Variants in SP3 observed in about 807,000 individuals in gnomAD.
SP3 encodes transcription factor Sp3.
A neutral mutation model predicts 70.3 loss-of-function variants in SP3; 10 were observed. The ratio of observed to expected loss-of-function variants is 0.14; its 90% CI spans 0.09 to 0.24. The LOEUF (loss-of-function observed/expected upper bound fraction) is 0.24, where lower values mean the gene tolerates loss of function less well. SP3 is among the 10% of genes least tolerant of loss of function. The pLI is 1.00. For synonymous variants in SP3, 402 were observed against 333.5 expected (o/e 1.21, Z -2.24); for missense variants, 825 against 914.6 (o/e 0.90, Z 1.26).
intron 4 of SP3, among the ~76,000 whole-genome samples, chr2:173,944,027 C>T (rs904289489): frequency 6.6e-6 from 1 of 152,152 alleles, no homozygotes; most frequent in Non-Finnish European, 1.5e-5. Context: ...GAAAAGGAAT[C>T]GTAAAAGTCT....
chr2:173,924,693 A>G (rs183812752), intron 4 of SP3, among the ~76,000 whole-genome samples: 1 of 152,304 alleles, frequency 6.6e-6, no homozygotes, highest in East Asian at 1.9e-4. Flanking sequence ...TGTAAGATGA[A>G]AACTGTGCAA....
chr2:173,944,968 G>A (rs1690488498), intron 4 of SP3, among the ~76,000 whole-genome samples: 1 of 152,040 alleles, frequency 6.6e-6, no homozygotes, highest in African/African-American at 2.4e-5. Context: ...AACAAACACT[G>A]AGCAGCCATT....
chr2:173,954,731 CTTTCATACAAACATAT>C (rs1690822436), intron 4 of SP3, 126 bp downstream of exon 4: 7 of 783,460 alleles, frequency 8.9e-6, no homozygotes, highest in Non-Finnish European at 1.4e-5. Flanking sequence ...TTGATGTCTA[CTTTCATACAAACATAT>C]TTTCATACAA....
chr2:173,962,525 T>C (rs1691119528), intron 3 of SP3, among the ~76,000 whole-genome samples: 1 of 152,194 alleles, frequency 6.6e-6, no homozygotes, highest in African/African-American at 2.4e-5. Flanking sequence ...TAATATAATT[T>C]TACATTTTTA....
At chr2:173,953,684 C>T (rs1204027874) in intron 4 of SP3, among the ~76,000 whole-genome samples, 2 of 151,898 alleles carry the variant, frequency 1.3e-5, no homozygotes, top group African/African-American at 2.4e-5. Context: ...ACGAGAATTG[C>T]TTGAACCCAG....
chr2:173,941,585 T>C (rs754445792), intron 4 of SP3, among the ~76,000 whole-genome samples: 14 of 152,118 alleles, frequency 9.2e-5, no homozygotes, highest in Non-Finnish European at 1.3e-4. Context: ...TGGGTGATAG[T>C]TGAGACCCTG....
chr2:173,964,345 G>A (rs1263661980), intron 2 of SP3, 60 bp downstream of exon 2: 4 of 649,280 alleles, frequency 6.2e-6, no homozygotes, highest in East Asian at 6.1e-5. Context: ...GAGGGGAGAG[G>A]CGAGGGGAGG....
At chr2:173,934,590 A>C (rs574319874) in intron 4 of SP3, among the ~76,000 whole-genome samples, 3 of 152,282 alleles carry the variant, frequency 2.0e-5, no homozygotes, top group African/African-American at 7.2e-5. Flanking sequence ...GTAACAAAAA[A>C]GTCAATTGCC....
chr2:173,964,009 G>A (rs1691180771), intron 2 of SP3, 126 bp from the exon 3 acceptor site: 7 of 522,142 alleles, frequency 1.3e-5, no homozygotes, highest in Middle Eastern at 6.0e-4. Flanking sequence ...GCGCCAGCCC[G>A]CGCTCTCCTC....
At chr2:173,961,030 T>C (rs981923521) in intron 3 of SP3, among the ~76,000 whole-genome samples, 8 of 152,128 alleles carry the variant, frequency 5.3e-5, no homozygotes. Flanking sequence ...AAAGTAAAAA[T>C]GAAGTAAATT....
chr2:173,942,893 T>A (rs1690415340), intron 4 of SP3, among the ~76,000 whole-genome samples: 1 of 152,104 alleles, frequency 6.6e-6, no homozygotes, highest in African/African-American at 2.4e-5. Flanking sequence ...AATATAAAAT[T>A]TAAAATACAG....
intron 3 of SP3, 118 bp from the exon 4 acceptor site, chr2:173,956,350 A>G: frequency 9.5e-7 from 1 of 1,056,588 alleles, no homozygotes; most frequent in Non-Finnish European, 1.3e-6. Flanking sequence ...TTAAAACACA[A>G]TGGAGTTCAA....
rs142054951 is a variant in SP3 at position 173,931,310 on chromosome 2, C to T, written c.1640-12525G>A. On this transcript the variant is annotated intron_variant, in intron 4 of 6. Transcript: ENST00000310015. ...TTGGGATGCCAAGGCGAGCAGATCA[C>T]TTGAGGTCAGGAGTTCGAGACCAGC... Among the ~76,000 whole-genome samples, 728 of 151,686 alleles carry T rather than the reference C, an allele frequency of 4.8e-3. 3 individuals are homozygous for T. The highest frequency in any genetic ancestry group is 0.017 in the African/African-American group (696 of 41,182).
At chr2:173,922,951 A>AT (rs2105463987) in intron 4 of SP3, among the ~76,000 whole-genome samples, 1 of 152,338 alleles carries the variant, frequency 6.6e-6, no homozygotes, top group South Asian at 2.1e-4. Context: ...GATTTGACAC[A>AT]TAAGGGTACC....
In SP3 at chr2:173,965,277, C is replaced by T; in HGVS notation, c.-106G>A. 5 of 1,300,180 alleles carry T rather than the reference C, an allele frequency of 3.8e-6. No individual in the cohort carries two copies. Among genetic ancestry groups the T allele is most frequent in the Non-Finnish European group, 5.4e-6 (5 of 928,376 alleles). The allele number at this position is 1,300,180 out of a possible 1,614,324, so 80.5% of individuals were successfully genotyped here. ...ATGCGGGAAGCGGCGGCGGACACGG[C>T]CGGAGCGGTCCGGGGATTTTTTTTT... On this transcript the variant is annotated 5_prime_UTR_variant, in exon 1 of 7. Transcript: ENST00000310015.
intron 1 of SP3, 167 bp from the exon 2 acceptor site, chr2:173,964,720 C>G: frequency 8.6e-6 from 3 of 348,848 alleles, no homozygotes; most frequent in Non-Finnish European, 1.6e-5. Flanking sequence ...CTCCTCCCCT[C>G]CTGCTGCTGC....
At chr2:173,922,613 AG>A (rs535443306) in intron 4 of SP3, among the ~76,000 whole-genome samples, 1 of 152,006 alleles carries the variant, frequency 6.6e-6, no homozygotes, top group Non-Finnish European at 1.5e-5. Context: ...GAACCAGCAT[AG>A]GGGACTGAGA....
At chr2:173,915,365 T>TA (rs1462017845) in intron 5 of SP3, 1 of 152,142 alleles carries the variant, frequency 6.6e-6, no homozygotes, top group Non-Finnish European at 1.5e-5. Flanking sequence ...TTACGGCATG[T>TA]CATACCAAGG....
At chr2:173,927,041 A>G (rs1021225018) in intron 4 of SP3, among the ~76,000 whole-genome samples, 3 of 152,094 alleles carry the variant, frequency 2.0e-5, no homozygotes, top group African/African-American at 4.8e-5. Flanking sequence ...GCAAAAGGAG[A>G]GCTGGCAAGT....
Sources: gnomAD v4.1 joint callset for allele counts (sites outside exome capture counted in the v4.1 genomes callset) on GRCh38, gnomAD v4.1.1 for gene constraint, MANE v1.5 for transcripts, NCBI Gene and HGNC (gene_info 2026-07-23, HGNC 2026-07-21) for gene names.